TBATA: variants seen among roughly 807,000 people sequenced by gnomAD.
TBATA encodes thymus, brain and testes associated, also known as protein TBATA.
A neutral mutation model predicts 38.7 loss-of-function variants in TBATA; 47 were observed. The observed-to-expected ratio is 1.21, with a 90% CI of 0.96 to 1.55. The LOEUF (loss-of-function observed/expected upper bound fraction) is 1.55. Ranked by LOEUF, TBATA falls within the 40% of genes most tolerant of loss-of-function variation. The probability of loss-of-function intolerance (pLI) is 0.00; values close to 1 mark genes in which losing one functional copy is unlikely to be tolerated. For synonymous variants in TBATA, 183 were observed against 170.5 expected, an observed-to-expected ratio of 1.07 and a Z score of -0.57; for missense variants, 436 against 435.6, an observed-to-expected ratio of 1.00 and a Z score of -0.01.
In TBATA at chr10:70,777,287, C is replaced by T. The variant is rs772004258; in HGVS notation, c.559G>A (p.Ala187Thr). The T allele has an allele frequency of 1.9e-5, 31 of 1,613,706 alleles. No individual in the cohort carries two copies. Among genetic ancestry groups the T allele is most frequent in the Non-Finnish European group, 2.4e-5 (28 of 1,179,948 alleles). ...GCGGGGATGAGCCTCCCAGTCTCTG[C>T]TGAGTACTTTGCCCCCTGCTCCCGC... is the stretch of plus-strand genomic sequence containing the variant. The part of the protein sequence containing the change: ...PLREQGAKYS[A>T]ETGRLIPAST... Residue 187 changes from alanine (A) to threonine (T), a missense_variant, in exon 7 of 11, where the codon GCA (alanine) becomes ACA (threonine). Physicochemically the swap from Ala to Thr is moderately conservative, Grantham distance 58. Transcript: ENST00000456372.
At chr10:70,783,546 A>G (rs539718108) in intron 2 of TBATA, 21 bp from the exon 3 acceptor site, 3 of 694,896 alleles carry the variant, frequency 4.3e-6, no homozygotes, top group East Asian at 5.6e-5. Context: ...AGAAATGGTA[A>G]TATCTTTTAA....
At chr10:70,778,452 C>T in intron 6 of TBATA, 105 bp downstream of exon 6, 1 of 1,125,806 alleles carries the variant, frequency 8.9e-7, no homozygotes, top group Non-Finnish European at 1.4e-6. Context: ...AATCAGTCCC[C>T]CCACCCCACC....
In TBATA at chr10:70,773,473, G is replaced by GCT. The variant is rs770534823; in HGVS notation, c.920+739_920+740insAG. On this transcript the variant is annotated intron_variant, in intron 9 of 10. Transcript: ENST00000456372. ...GACTGTTAAAAATACAGGCCCCCCC[G>GCT]GCTTCACCCCGGCCTGCTATGTTAG... is the stretch of plus-strand genomic sequence containing the variant. Among the ~76,000 whole-genome samples the GCT allele has an allele frequency of 8.8e-4, 134 of 151,430 alleles. 1 individual carries two copies. The South Asian group carries it at 0.016, about 18-fold the overall frequency.
intron 6 of TBATA, among the ~76,000 whole-genome samples, chr10:70,778,168 G>A (rs1427132016): frequency 3.9e-5 from 6 of 151,940 alleles, no homozygotes; most frequent in African/African-American, 1.4e-4. Flanking sequence ...TGGCAATTAA[G>A]AACAAGCTGC....
chr10:70,779,924 C>T (rs998488638), intron 4 of TBATA, among the ~76,000 whole-genome samples, 182 bp from the exon 5 acceptor site: 11 of 151,992 alleles, frequency 7.2e-5, no homozygotes, highest in African/African-American at 1.5e-4. Flanking sequence ...GCCTCACCCA[C>T]GGGGGGATCC....
chr10:70,775,043 T>G, intron 8 of TBATA, 146 bp downstream of exon 8: 1 of 645,022 alleles, frequency 1.6e-6, no homozygotes, highest in Non-Finnish European at 2.6e-6. Flanking sequence ...AGGGTTAGTT[T>G]GGGGCTCCAA....
At chr10:70,780,526 A>T (rs1844065704) in intron 4 of TBATA, among the ~76,000 whole-genome samples, 1 of 151,880 alleles carries the variant, frequency 6.6e-6, no homozygotes, top group Non-Finnish European at 1.5e-5. Flanking sequence ...CGGTAGCTAC[A>T]CGGACTCCTT....
Position 70,774,245 on chromosome 10 carries a change from T to A in TBATA, c.888A>T (p.Glu296Asp), listed in dbSNP as rs752445725. ...KLLSQLPEVH[E>D]PPQEKQEPPC... is the part of the protein sequence containing the mutation. ...GTGGCTCTTGCTTCTCTTGAGGAGGTTCATGCACTTCTGGAAGCTGGCTTA... is the reference window on the plus strand; with the variant it reads ...GTGGCTCTTGCTTCTCTTGAGGAGGATCATGCACTTCTGGAAGCTGGCTTA... The change falls in exon 9 of 11, where the codon GAA becomes GAT. Residue 296 changes from glutamate (E) to aspartate (D), a missense_variant. Coordinates refer to ENST00000456372, the MANE Select transcript of TBATA (RefSeq NM_001318241.2). The A allele has an allele frequency of 6.2e-7, 1 of 1,611,938 alleles. No individual in the cohort carries two copies. The highest frequency in any genetic ancestry group is 1.1e-5 in the South Asian group (1 of 90,050).
chr10:70,774,392 C>T, intron 8 of TBATA, 35 bp from the exon 9 acceptor site: 2 of 1,549,782 alleles, frequency 1.3e-6, no homozygotes, highest in Non-Finnish European at 8.7e-7. Flanking sequence ...GTCCTCAGCC[C>T]CCAGCCCCCT....
Position 70,781,957 on chromosome 10 carries a change from G to A in TBATA, c.121C>T (p.Leu41=), listed in dbSNP as rs748176439. 5.6e-5 allele frequency: 91 copies of A among 1,614,140 alleles called. No homozygotes were observed. The South Asian group carries it at 9.0e-4, about 16-fold the overall frequency. Reference sequence around the variant, plus strand: ...AAATCCACAATCCCTGGGATCACCAGTTCTTTCTGTGGCCCACTGTCCCTG... The same window carrying A: ...AAATCCACAATCCCTGGGATCACCAATTCTTTCTGTGGCCCACTGTCCCTG... The part of the protein sequence containing the change: ...SPRDSGPQKE[L]VIPGIVDFER... The change falls in exon 4 of 11, where the codon CTG becomes TTG. Residue 41 remains leucine, a synonymous_variant. Coordinates refer to ENST00000456372, the MANE Select transcript of TBATA (RefSeq NM_001318241.2).
At position 70,783,515 on chromosome 10, in the gene TBATA, G is replaced by A. The variant is rs761805738; in HGVS notation, c.-136C>T. On this transcript the variant is annotated 5_prime_UTR_variant, in exon 3 of 11. Transcript: ENST00000456372. Reference sequence around the variant, plus strand: ...ACGAACTGGTGGTGGAAGTGTAAACGGGAACAGGCACTTTAGGGGGAGAAA... The same window carrying A: ...ACGAACTGGTGGTGGAAGTGTAAACAGGAACAGGCACTTTAGGGGGAGAAA... 2.1e-5 allele frequency: 20 copies of A among 966,298 alleles called. No homozygotes were observed. Among genetic ancestry groups the A allele is most frequent in the Non-Finnish European group, 2.9e-5 (18 of 619,212 alleles). 59.9% of individuals were successfully genotyped at this position (966,298 alleles called of 1,614,324 possible). A position where few individuals can be genotyped will look rare whatever the true frequency, so the allele number is the denominator to read the frequency against.
At chr10:70,776,108 C>G (rs181610620) in intron 7 of TBATA, among the ~76,000 whole-genome samples, 2 of 152,102 alleles carry the variant, frequency 1.3e-5, no homozygotes, top group African/African-American at 4.8e-5. Flanking sequence ...AAAGTGAGGC[C>G]CCCTCAGCTC....
chr10:70,783,981 T>C (rs763737982), intron 2 of TBATA, among the ~76,000 whole-genome samples: 3 of 152,238 alleles, frequency 2.0e-5, no homozygotes, highest in Admixed American at 6.5e-5. Context: ...ATATAATGTG[T>C]GGATAATATA....
chr10:70,778,867 A>C, intron 5 of TBATA: 5 of 624,442 alleles, frequency 8.0e-6, no homozygotes, highest in Non-Finnish European at 1.2e-5. Context: ...TCCTTCTAGC[A>C]GGGGCTGATG....
rs370515186 is a variant in TBATA, at chr10:70,779,573, G to T, written c.427+20C>A. On this transcript the variant is annotated intron_variant, in intron 5 of 10. Coordinates refer to ENST00000456372, the MANE Select transcript of TBATA (RefSeq NM_001318241.2). ...AGGCATGAGCCCCAGGGTAGAGGGA[G>T]GCATGGCCCAAGTACCCACCAGAAG... is the stretch of plus-strand genomic sequence containing the variant. 2.0e-6 allele frequency: 3 copies of T among 1,465,066 alleles called. No homozygotes were observed. The highest frequency in any genetic ancestry group is 2.7e-6 in the Non-Finnish European group (3 of 1,112,548). The allele number at this position is 1,465,066 out of a possible 1,614,324, so 90.8% of individuals were successfully genotyped here.
intron 7 of TBATA, 32 bp downstream of exon 7, chr10:70,777,121 C>T (rs1293944799): frequency 1.2e-6 from 2 of 1,603,008 alleles, no homozygotes; most frequent in Non-Finnish European, 1.7e-6. Context: ...ATGTGGAGAG[C>T]CAGGAGCCTG....
chr10:70,772,124 T>C (rs989330174), intron 10 of TBATA: 1 of 438,270 alleles, frequency 2.3e-6, no homozygotes, highest in Non-Finnish European at 4.7e-6. Flanking sequence ...GAGCTGTATC[T>C]TTCCTGCCGT....
Position 70,782,071 on chromosome 10 carries a change from T to C in TBATA, c.42-35A>G, listed in dbSNP as rs1422116702. ...GGGGTTTCAGGAGAAGCTAATGGAG[T>C]CTCCTCTGGCAGTGGGCCCACCTGG... is the stretch of plus-strand genomic sequence containing the variant. On this transcript the variant is annotated intron_variant, in intron 3 of 10. Transcript: ENST00000456372. 5 of 1,606,518 alleles carry C rather than the reference T, an allele frequency of 3.1e-6. No homozygotes were observed. The East Asian group carries it at 6.7e-5, about 22-fold the overall frequency.
Position 70,783,384 on chromosome 10 carries a change from T to C in TBATA, c.-5A>G. ...CAATTGAACATCTGTAGCCATTGTA[T>C]GCTTTTTAACAGACTAAAGGCCAGT... On this transcript the variant is annotated 5_prime_UTR_variant, in exon 3 of 11. Coordinates refer to ENST00000456372, the MANE Select transcript of TBATA (RefSeq NM_001318241.2). 6.2e-7 allele frequency: 1 copy of C among 1,614,160 alleles called. No homozygotes were observed. The highest frequency in any genetic ancestry group is 1.7e-5 in the Admixed American group (1 of 60,030).
Sources: gnomAD v4.1 joint callset for allele counts (sites outside exome capture counted in the v4.1 genomes callset) on GRCh38, gnomAD v4.1.1 for gene constraint, MANE v1.5 for transcripts, NCBI Gene and HGNC (gene_info 2026-07-23, HGNC 2026-07-21) for gene names.